Variants in JAKMIP1 observed in about 807,000 individuals in gnomAD.
JAKMIP1 encodes the protein janus kinase and microtubule interacting protein 1.
Under a neutral mutation model 113.0 loss-of-function variants are expected in JAKMIP1, and 33 were observed. The observed-to-expected ratio is 0.29, with a 90% CI of 0.22 to 0.39. The LOEUF (loss-of-function observed/expected upper bound fraction) is 0.39. JAKMIP1 is among the 10% of genes least tolerant of loss of function. The probability of loss-of-function intolerance (pLI) is 1.00; values close to 1 mark genes in which losing one functional copy is unlikely to be tolerated. For synonymous variants in JAKMIP1, 480 were observed against 459.9 expected (o/e 1.04, Z -0.56); for missense variants, 813 against 1,080.5 (o/e 0.75, Z 3.47).
chr4:6,087,261 C>A (rs951717368), intron 3 of JAKMIP1, among the ~76,000 whole-genome samples: 13 of 145,630 alleles, frequency 8.9e-5, no homozygotes, highest in Middle Eastern at 7.0e-3. Flanking sequence ...ATCCCGCCCA[C>A]CCCCCAACCC....
chr4:6,147,234 A>G (rs1720964378), intron 1 of JAKMIP1, among the ~76,000 whole-genome samples: 1 of 152,150 alleles, frequency 6.6e-6, no homozygotes, highest in African/African-American at 2.4e-5. Context: ...AGTGCTGGGA[A>G]CAGAGGTGTG....
intron 8 of JAKMIP1, among the ~76,000 whole-genome samples, chr4:6,068,228 A>T (rs1401021781): frequency 6.6e-6 from 1 of 152,222 alleles, no homozygotes; most frequent in African/African-American, 2.4e-5. Context: ...GCCCTAATAC[A>T]GGGCATTAAC....
In JAKMIP1 at chr4:6,162,471, G is replaced by A. The variant is rs1723088650; in HGVS notation, c.-148+37782C>T. On this transcript the variant is annotated intron_variant, in intron 1 of 20. Transcript: ENST00000409021. The surrounding 1 kb of genome is among the most constrained non-coding windows in gnomAD (Gnocchi z 5.6). ...AGTGACAGGGGCAGATGGAGCCAGG[G>A]CCCTTGGTCCCTTCTACACAATCCA... 1.3e-5 allele frequency among the ~76,000 whole-genome samples: 2 copies of A among 152,282 alleles called. No individual in the cohort carries two copies. The highest frequency in any genetic ancestry group is 4.1e-4 in the South Asian group (2 of 4,822).
intron 8 of JAKMIP1, among the ~76,000 whole-genome samples, chr4:6,068,733 C>T (rs4689324): frequency 0.94 from 142,623 of 151,900 alleles, 67,113 homozygotes; most frequent in East Asian, 0.97. Flanking sequence ...AATTTTTGTA[C>T]ATATATATTT....
chr4:6,026,430 G>A (rs767529532), intron 20 of JAKMIP1, among the ~76,000 whole-genome samples, 152 bp from the exon 21 acceptor site: 6 of 152,114 alleles, frequency 3.9e-5, no homozygotes, highest in Non-Finnish European at 7.3e-5. Context: ...GAAGTAAACA[G>A]GCTTTAGGAA....
In JAKMIP1 at chr4:6,185,794, C is replaced by G. The variant is rs890767925; in HGVS notation, c.-148+14459G>C. On this transcript the variant is annotated intron_variant, in intron 1 of 20. Transcript: ENST00000409021. The surrounding 1 kb of genome is among the most constrained non-coding windows in gnomAD (Gnocchi z 5.3). ...TTGAGAACCACTTCTCAGATCTGTT[C>G]ACTACAAACCCTCCTGATTAAGGCT... Among the ~76,000 whole-genome samples, 7 of 152,208 alleles carry G rather than the reference C, an allele frequency of 4.6e-5. No homozygotes were observed. Among genetic ancestry groups the G allele is most frequent in the Admixed American group, 1.3e-4 (2 of 15,282 alleles).
intron 1 of JAKMIP1, among the ~76,000 whole-genome samples, chr4:6,164,218 A>G (rs1454952598): frequency 2.0e-5 from 3 of 152,222 alleles, no homozygotes; most frequent in African/African-American, 7.2e-5. Context: ...GCTAGGGGCT[A>G]ATAGAGCTGA....
At chr4:6,198,467 G>A (rs1031897961) in intron 1 of JAKMIP1, among the ~76,000 whole-genome samples, 42 of 152,180 alleles carry the variant, frequency 2.8e-4, no homozygotes, top group African/African-American at 9.9e-4. Context: ...TGAGGTCGTG[G>A]GGGCGGTGGG....
chr4:6,063,499 T>C (rs1717609379), intron 9 of JAKMIP1, among the ~76,000 whole-genome samples: 1 of 152,180 alleles, frequency 6.6e-6, no homozygotes, highest in African/African-American at 2.4e-5. Context: ...AGCACTGGCC[T>C]GGCCCCTCCC....
In JAKMIP1 at chr4:6,135,788, A is replaced by G. The variant is rs965828137; in HGVS notation, c.-147-22791T>C. Among the ~76,000 whole-genome samples, 1 of 151,650 alleles carries G rather than the reference A, an allele frequency of 6.6e-6. No homozygotes were observed. The highest frequency in any genetic ancestry group is 2.4e-5 in the African/African-American group (1 of 41,212). The stretch of plus-strand genomic sequence containing the variant: ...CCCATCCCACTGGTTCTTCCCCTAA[A>G]CCACACTGCCCAGCACAATGCTGGC... On this transcript the variant is annotated intron_variant, in intron 1 of 20. Transcript: ENST00000409021. This position sits in a 1 kb window ranked among gnomAD's most constrained non-coding sequence, Gnocchi z 4.9.
rs897311227 is a variant in JAKMIP1 at position 6,199,323 on chromosome 4, T to C, written c.-148+930A>G. On this transcript the variant is annotated intron_variant, in intron 1 of 20. Transcript: ENST00000409021. This position sits in a 1 kb window ranked among gnomAD's most constrained non-coding sequence, Gnocchi z 5.6. ...GGGGTGTGTGGGAGCGGGATGCTTC[T>C]AAGGCGAAAAGAAGCGCCAGCCTCG... is the stretch of plus-strand genomic sequence containing the variant. Among the ~76,000 whole-genome samples the C allele has an allele frequency of 6.6e-6, 1 of 152,120 alleles. No homozygotes were observed. Among genetic ancestry groups the C allele is most frequent in the Non-Finnish European group, 1.5e-5 (1 of 68,004 alleles).
intron 1 of JAKMIP1, among the ~76,000 whole-genome samples, chr4:6,161,873 G>A (rs1010783648): frequency 3.8e-4 from 58 of 152,190 alleles, no homozygotes; most frequent in African/African-American, 1.4e-3. Context: ...GGCTTATGGT[G>A]CAGAGGTGAT....
At chr4:6,115,268 G>C (rs966430723) in intron 1 of JAKMIP1, among the ~76,000 whole-genome samples, 22 of 152,224 alleles carry the variant, frequency 1.4e-4, no homozygotes, top group African/African-American at 5.1e-4. Flanking sequence ...AAATTAGCAG[G>C]GCGTGGTGGT....
intron 2 of JAKMIP1, among the ~76,000 whole-genome samples, chr4:6,109,014 C>T (rs1714430843): frequency 6.6e-6 from 1 of 152,122 alleles, no homozygotes; most frequent in South Asian, 2.1e-4. Flanking sequence ...CGCCTGGTGC[C>T]TGGATCTTTG....
rs1223363179 is a variant in JAKMIP1, at chr4:6,199,484, G to A, written c.-148+769C>T. Reference sequence around the variant, plus strand: ...GGCCAGCGAGGCCGCTGGCCCCGACGCAGGGCGCCCGGCAAGGTGTCTGGC... The same window carrying A: ...GGCCAGCGAGGCCGCTGGCCCCGACACAGGGCGCCCGGCAAGGTGTCTGGC... On this transcript the variant is annotated intron_variant, in intron 1 of 20. Coordinates refer to ENST00000409021, the MANE Select transcript of JAKMIP1 (RefSeq NM_001099433.2). This position sits in a 1 kb window ranked among gnomAD's most constrained non-coding sequence, Gnocchi z 5.6. Among the ~76,000 whole-genome samples the A allele has an allele frequency of 6.6e-6, 1 of 152,176 alleles. No individual in the cohort carries two copies. The highest frequency in any genetic ancestry group is 1.5e-5 in the Non-Finnish European group (1 of 68,008).
Position 6,139,592 on chromosome 4 carries a change from C to A in JAKMIP1, c.-147-26595G>T, listed in dbSNP as rs1212021960. Among the ~76,000 whole-genome samples the A allele has an allele frequency of 6.6e-6, 1 of 151,890 alleles. No individual in the cohort carries two copies. Among genetic ancestry groups the A allele is most frequent in the African/African-American group, 2.4e-5 (1 of 41,280 alleles). ...ACCAACCTGGCCAACATAGTGAAAC[C>A]CCATCTCTACTAAAAATACAAAAAT... On this transcript the variant is annotated intron_variant, in intron 1 of 20. Coordinates refer to ENST00000409021, the MANE Select transcript of JAKMIP1 (RefSeq NM_001099433.2). This position sits in a 1 kb window ranked among gnomAD's most constrained non-coding sequence, Gnocchi z 5.2.
rs1020371555 is a variant in JAKMIP1, at chr4:6,185,414, G to A, written c.-148+14839C>T. On this transcript the variant is annotated intron_variant, in intron 1 of 20. Coordinates refer to ENST00000409021, the MANE Select transcript of JAKMIP1 (RefSeq NM_001099433.2). The surrounding 1 kb of genome is among the most constrained non-coding windows in gnomAD (Gnocchi z 5.3). ...TGTAATCCCAGCACTTTGGGAGGCC[G>A]AGGTGGGCGGATCATGAGGTCAGGA... Among the ~76,000 whole-genome samples, 7 of 152,174 alleles carry A rather than the reference G, an allele frequency of 4.6e-5. No homozygotes were observed. The highest frequency in any genetic ancestry group is 2.1e-4 in the South Asian group (1 of 4,830).
At chr4:6,078,648 A>C (rs1410393834) in intron 8 of JAKMIP1, among the ~76,000 whole-genome samples, 1 of 152,134 alleles carries the variant, frequency 6.6e-6, no homozygotes, top group African/African-American at 2.4e-5. Flanking sequence ...AATCCTTCAA[A>C]AGGTTTAAGT....
Position 6,168,356 on chromosome 4 carries a change from C to T in JAKMIP1, c.-148+31897G>A, listed in dbSNP as rs891188424. 3.3e-5 allele frequency among the ~76,000 whole-genome samples: 5 copies of T among 152,276 alleles called. No individual in the cohort carries two copies. Among genetic ancestry groups the T allele is most frequent in the South Asian group, 2.1e-4 (1 of 4,828 alleles). On this transcript the variant is annotated intron_variant, in intron 1 of 20. Coordinates refer to ENST00000409021, the MANE Select transcript of JAKMIP1 (RefSeq NM_001099433.2). The surrounding 1 kb of genome is among the most constrained non-coding windows in gnomAD (Gnocchi z 4.6). ...ATGTACACAAACATTCATGGCAGCACGATTCCTAACACCCAACATGTGAAC... is the reference window on the plus strand; with the variant it reads ...ATGTACACAAACATTCATGGCAGCATGATTCCTAACACCCAACATGTGAAC...
Sources: allele counts gnomAD v4.1 joint callset (sites outside exome capture counted in the v4.1 genomes callset), GRCh38; gene constraint gnomAD v4.1.1; non-coding constraint Gnocchi (gnomAD v3.1); transcripts MANE v1.5; gene names NCBI Gene and HGNC (gene_info 2026-07-23, HGNC 2026-07-21).